RHEB: variants seen among roughly 807,000 people sequenced by gnomAD.
RHEB encodes GTP-binding protein Rheb.
In RHEB, 2 loss-of-function variants were observed where a neutral mutation model predicts 28.8. The observed-to-expected ratio is 0.07, with a 90% confidence interval of 0.03 to 0.22. The LOEUF (loss-of-function observed/expected upper bound fraction) is 0.22, where lower values mean the gene tolerates loss of function less well. RHEB is among the 10% of genes least tolerant of loss of function. The pLI is 1.00. For missense variants in RHEB, 76 were observed against 219.9 expected (o/e 0.35, Z 4.14); for synonymous variants, 69 against 77.3 (o/e 0.89, Z 0.56).
rs1261762086 is a variant in RHEB at position 151,517,172 on chromosome 7, T to A, written c.52+2288A>T. ...TGAGGTCAGGCGTTTGAGACAAGCC[T>A]GACGTTTGGCCAAGTGGTGAAACCC... On this transcript the variant is annotated intron_variant, in intron 1 of 7. Transcript: ENST00000262187. Among the ~76,000 whole-genome samples, 4 of 152,094 alleles carry A rather than the reference T, an allele frequency of 2.6e-5. No individual in the cohort carries two copies. The East Asian group carries it at 7.7e-4, about 29-fold the overall frequency.
At chr7:151,503,376 A>C in intron 1 of RHEB, 2 of 975,976 alleles carry the variant, frequency 2.0e-6, no homozygotes, top group Non-Finnish European at 3.3e-6. Flanking sequence ...GATTTGGTGG[A>C]ATTGGAGGTA....
At chr7:151,478,566 C>T (rs935066496) in intron 3 of RHEB, among the ~76,000 whole-genome samples, 3 of 151,972 alleles carry the variant, frequency 2.0e-5, no homozygotes, top group African/African-American at 7.3e-5. Context: ...GAAGTTATGT[C>T]TAAGAAGCAC....
intron 1 of RHEB, among the ~76,000 whole-genome samples, chr7:151,514,247 G>A (rs1410598280): frequency 6.6e-6 from 1 of 152,164 alleles, no homozygotes; most frequent in African/African-American, 2.4e-5. Flanking sequence ...CAGATCTAAT[G>A]TAAGAGTTAA....
chr7:151,487,934 C>T (rs1458845170), intron 2 of RHEB, among the ~76,000 whole-genome samples: 1 of 152,206 alleles, frequency 6.6e-6, no homozygotes, highest in Non-Finnish European at 1.5e-5. Context: ...ATTTGTGTTA[C>T]TAAAGTGTGG....
chr7:151,484,146 G>A (rs1350038349), intron 3 of RHEB, among the ~76,000 whole-genome samples: 1 of 151,986 alleles, frequency 6.6e-6, no homozygotes, highest in Non-Finnish European at 1.5e-5. Flanking sequence ...TTATGGCCCA[G>A]GTCCTCATAA....
chr7:151,519,794 G>C lies in RHEB; in HGVS notation c.-283C>G, dbSNP rs927189147. ...CGCCTCCGCCCCCCGAAATACGCGG[G>C]GGGTGCGTCGGGGCGACGTTTTACT... On this transcript the variant is annotated 5_prime_UTR_variant, in exon 1 of 8. Coordinates refer to ENST00000262187, the MANE Select transcript of RHEB (RefSeq NM_005614.4). 5 of 308,870 alleles carry C rather than the reference G, an allele frequency of 1.6e-5. No individual in the cohort carries two copies. The highest frequency in any genetic ancestry group is 4.4e-5 in the African/African-American group (2 of 45,744). The allele number at this position is 308,870 out of a possible 1,614,324, so 19.1% of individuals were successfully genotyped here.
In RHEB at chr7:151,489,552, T is replaced by C. The variant is rs59729518; in HGVS notation, c.124+1391A>G. ...CTGGAACACAAAGGACAGCCAAATA[T>C]TTTAAGCGAGGGGTGAGCAAACTTT... On this transcript the variant is annotated intron_variant, in intron 2 of 7. Transcript: ENST00000262187. Among the ~76,000 whole-genome samples, 1,488 of 152,328 alleles carry C rather than the reference T, an allele frequency of 9.8e-3. 25 individuals are homozygous for C. The highest frequency in any genetic ancestry group is 0.033 in the African/African-American group (1,383 of 41,572).
intron 2 of RHEB, among the ~76,000 whole-genome samples, chr7:151,487,342 G>A (rs1336551173): frequency 1.3e-5 from 2 of 152,152 alleles, no homozygotes; most frequent in African/African-American, 4.8e-5. Context: ...CCAGAGCTGG[G>A]GGGAGAGGTT....
At chr7:151,479,408 C>T (rs1473031766) in intron 3 of RHEB, among the ~76,000 whole-genome samples, 3 of 152,016 alleles carry the variant, frequency 2.0e-5, no homozygotes, top group East Asian at 1.9e-4. Context: ...TAAGGCCGGG[C>T]ACAATGGCTC....
chr7:151,504,562 C>A (rs11975247), intron 1 of RHEB, among the ~76,000 whole-genome samples: 5,188 of 152,244 alleles, frequency 0.034, 268 homozygotes, highest in African/African-American at 0.12. Context: ...CACACAGTTC[C>A]AACTGTGTTG....
intron 4 of RHEB, among the ~76,000 whole-genome samples, chr7:151,476,603 G>A (rs555710865): frequency 6.6e-6 from 1 of 152,224 alleles, no homozygotes; most frequent in Non-Finnish European, 1.5e-5. Flanking sequence ...AATAAGTAAT[G>A]TATCATATGT....
intron 1 of RHEB, among the ~76,000 whole-genome samples, chr7:151,494,727 GA>G (rs1378739108): frequency 6.6e-6 from 1 of 152,220 alleles, no homozygotes; most frequent in Non-Finnish European, 1.5e-5. Context: ...TGGCACTGGA[GA>G]AAAACTACGT....
intron 2 of RHEB, among the ~76,000 whole-genome samples, chr7:151,489,895 T>C (rs1197247430): frequency 2.0e-5 from 3 of 152,256 alleles, no homozygotes; most frequent in Non-Finnish European, 4.4e-5. Context: ...CCAAGCTCTT[T>C]ACTGTCAGCC....
intron 7 of RHEB, among the ~76,000 whole-genome samples, chr7:151,469,018 C>G (rs1249494945): frequency 1.3e-5 from 2 of 152,216 alleles, no homozygotes; most frequent in African/African-American, 4.8e-5. Flanking sequence ...TCCATAGGCA[C>G]TCAATGGATT....
At chr7:151,503,136 A>G in intron 1 of RHEB, 1 of 797,108 alleles carries the variant, frequency 1.3e-6, no homozygotes, top group Non-Finnish European at 2.3e-6. Context: ...GAAAATCTGG[A>G]TATAATGAGA....
At chr7:151,504,956 T>G (rs1371312776) in intron 1 of RHEB, among the ~76,000 whole-genome samples, 1 of 151,820 alleles carries the variant, frequency 6.6e-6, no homozygotes, top group East Asian at 1.9e-4. Context: ...TTAAAAAATC[T>G]TCACCCTTAC....
chr7:151,519,850 C>T lies in RHEB; in HGVS notation c.-339G>A, dbSNP rs185451314. ...GGCAAAAAAAGGGGACGCCGCGATG[C>T]CCCCAGAAAAGTCACGACTGAAACT... On this transcript the variant is annotated 5_prime_UTR_variant, in exon 1 of 8. Coordinates refer to ENST00000262187, the MANE Select transcript of RHEB (RefSeq NM_005614.4). 77 of 217,942 alleles carry T rather than the reference C, an allele frequency of 3.5e-4. No homozygotes were observed. The highest frequency in any genetic ancestry group is 1.7e-3 in the African/African-American group (75 of 43,668). The allele number at this position is 217,942 out of a possible 1,614,324, so 13.5% of individuals were successfully genotyped here.
intron 1 of RHEB, among the ~76,000 whole-genome samples, chr7:151,499,106 C>T (rs1802725477): frequency 1.3e-5 from 2 of 152,244 alleles, no homozygotes; most frequent in Non-Finnish European, 2.9e-5. Flanking sequence ...GTGGCTTAGG[C>T]TTGTAATCCT....
Position 151,491,669 on chromosome 7 carries a change from A to T in RHEB, c.53-655T>A, listed in dbSNP as rs1802584328. On this transcript the variant is annotated intron_variant, in intron 1 of 7. Transcript: ENST00000262187. ...ATAGAATTGCTTGCCCCCAGGAGGC[A>T]GAGGCTGCAGTGGGCCAAGATTGCA... Among the ~76,000 whole-genome samples the T allele has an allele frequency of 3.9e-5, 6 of 152,194 alleles. No individual in the cohort carries two copies. In the South Asian group the frequency reaches 1.2e-3, roughly 32 times the overall value.
Sources: allele counts gnomAD v4.1 joint callset (sites outside exome capture counted in the v4.1 genomes callset), GRCh38; gene constraint gnomAD v4.1.1; transcripts MANE v1.5; gene names NCBI Gene and HGNC (gene_info 2026-07-23, HGNC 2026-07-21).